The following RUNX3 variants were observed in gnomAD, a reference collection of about 807,000 sequenced individuals.
RUNX3 encodes the protein runt-related transcription factor 3.
In RUNX3, 10 loss-of-function variants were observed where a neutral mutation model predicts 27.7. That is an observed-to-expected ratio of 0.36 (90% CI 0.22 to 0.61). The LOEUF (loss-of-function observed/expected upper bound fraction) is 0.61, where lower values mean the gene tolerates loss of function less well. RUNX3 is among the 20% of genes least tolerant of loss of function. The pLI is 0.72. For synonymous variants in RUNX3, 270 were observed against 269.2 expected (o/e 1.00, Z -0.03); for missense variants, 469 against 629.5 (o/e 0.75, Z 2.73).
At chr1:24,930,757 C>T (rs1641209339), upstream of RUNX3, among the ~76,000 whole-genome samples, 1 of 152,232 alleles carries the variant, frequency 6.6e-6, no homozygotes, top group Non-Finnish European at 1.5e-5. This position sits in a 1 kb window ranked among gnomAD's most constrained non-coding sequence, Gnocchi z 4.1. Context: ...AGGTTACTCA[C>T]CTCCCTCGTC....
chr1:24,964,756 G>T, intron 1 of RUNX3: 1 of 1,412,664 alleles, frequency 7.1e-7, no homozygotes, highest in Non-Finnish European at 9.3e-7. Flanking sequence ...CTACGAAAAA[G>T]AAAAAAGGAA....
At chr1:24,952,934 C>T (rs1158559053) in intron 2 of RUNX3, among the ~76,000 whole-genome samples, 1 of 151,946 alleles carries the variant, frequency 6.6e-6, no homozygotes, top group Non-Finnish European at 1.5e-5. Context: ...CCATCATAGG[C>T]TTTTAAAAAA....
At position 24,902,173 on chromosome 1, in the gene RUNX3, C is replaced by T. The variant is rs749580286; in HGVS notation, c.1197G>A (p.Thr399=). The part of the protein sequence containing the change: ...EADGSHSNSP[T]ALSTPGRMDE... Reference sequence around the variant, plus strand: ...CCATGCGGCCTGGCGTGCTCAGGGCCGTGGGTGAGTTGCTGTGGCTGCCGT... The same window carrying T: ...CCATGCGGCCTGGCGTGCTCAGGGCTGTGGGTGAGTTGCTGTGGCTGCCGT... Residue 399 remains threonine, a synonymous_variant, in exon 5 of 5, where the codon ACG becomes ACA. Transcript: ENST00000308873. The surrounding 1 kb of genome is among the most constrained non-coding windows in gnomAD (Gnocchi z 9.2). 17 of 1,571,638 alleles carry T rather than the reference C, an allele frequency of 1.1e-5. No individual in the cohort carries two copies. The highest frequency in any genetic ancestry group is 3.7e-5 in the Admixed American group (2 of 54,118).
In RUNX3 at chr1:24,962,075, A is replaced by AT. The variant is rs1642128624; in HGVS notation, c.58+2438dup. 6.6e-6 allele frequency: 1 copy of AT among 151,978 alleles called. No individual in the cohort carries two copies. The highest frequency in any genetic ancestry group is 2.4e-5 in the African/African-American group (1 of 41,352). 9.4% of individuals were successfully genotyped at this position (151,978 alleles called of 1,614,324 possible). On this transcript the variant is annotated intron_variant, in intron 2 of 6. Transcript: ENST00000338888. This position sits in a 1 kb window ranked among gnomAD's most constrained non-coding sequence, Gnocchi z 4.5. ...AAATTTAGCATCATATTCCATGGCGATTTTCCACCAGTGGAAATCACAGGT... is the reference window on the plus strand; with the variant it reads ...AAATTTAGCATCATATTCCATGGCGATTTTTCCACCAGTGGAAATCACAGGT...
chr1:24,963,479 A>G (rs989161645), intron 2 of RUNX3, among the ~76,000 whole-genome samples: 1 of 152,184 alleles, frequency 6.6e-6, no homozygotes, highest in Admixed American at 6.5e-5. Context: ...GGAACCATCC[A>G]GAGGCACTGC....
intron 2 of RUNX3, among the ~76,000 whole-genome samples, chr1:24,926,413 G>C (rs1641101165): frequency 6.6e-6 from 1 of 152,220 alleles, no homozygotes; most frequent in Non-Finnish European, 1.5e-5. Flanking sequence ...GAGCCAACAG[G>C]AACAGGAAAT....
At position 24,936,000 on chromosome 1, in the gene RUNX3, G is replaced by A. The variant is rs567135052; in HGVS notation, c.59-6148C>T. ...CTGCACTCTGACCGCTGCTCTCAGC[G>A]CAGAGCTCTCCATCCAAAGCAGCAG... On this transcript the variant is annotated intron_variant, in intron 2 of 6. Coordinates refer to the RUNX3 transcript ENST00000338888. Among the ~76,000 whole-genome samples, 20 of 152,304 alleles carry A rather than the reference G, an allele frequency of 1.3e-4. No individual in the cohort carries two copies. In the Middle Eastern group the frequency reaches 0.01, roughly 78 times the overall value.
Position 24,901,861 on chromosome 1 carries a change from A to G in RUNX3, c.*261T>C. 2.1e-6 allele frequency: 1 copy of G among 467,792 alleles called. No individual in the cohort carries two copies. The highest frequency in any genetic ancestry group is 3.8e-6 in the Non-Finnish European group (1 of 262,970). 29.0% of individuals were successfully genotyped at this position (467,792 alleles called of 1,614,324 possible). A position where few individuals can be genotyped will look rare whatever the true frequency, so the allele number is the denominator to read the frequency against. On this transcript the variant is annotated 3_prime_UTR_variant, in exon 5 of 5. Transcript: ENST00000308873. ...GGGGGTGGCAGGAGGCTGATTCCCC[A>G]CAGAAGTATGGGATGAGACGGCCAG...
chr1:24,930,373 T>A, upstream of RUNX3: 1 of 331,896 alleles, frequency 3.0e-6, no homozygotes, highest in Non-Finnish European at 4.3e-6. The surrounding 1 kb of genome is among the most constrained non-coding windows in gnomAD (Gnocchi z 4.1). Flanking sequence ...GGAGCCCCCA[T>A]CGCGGGCACC....
At position 24,929,771 on chromosome 1, in the gene RUNX3, C is replaced by A. The variant is rs1376216060; in HGVS notation, c.98G>T (p.Ser33Ile). 2 of 1,450,118 alleles carry A rather than the reference C, an allele frequency of 1.4e-6. No homozygotes were observed. Among genetic ancestry groups the A allele is most frequent in the East Asian group, 5.8e-5 (2 of 34,356 alleles). 89.8% of individuals were successfully genotyped at this position (1,450,118 alleles called of 1,614,324 possible). A position where few individuals can be genotyped will look rare whatever the true frequency, so the allele number is the denominator to read the frequency against. Residue 33 changes from serine to isoleucine, a missense_variant, in exon 1 of 5, where the codon AGC becomes ATC. Around this residue, in one of 3 missense-constraint regions of RUNX3, gnomAD observed 115 missense variants for 118.0 expected, o/e 0.97. Coordinates refer to ENST00000308873, the MANE Select transcript of RUNX3 (RefSeq NM_004350.3). ...GGCCGCCTGCGCGCTCAGCGCGCCG[C>A]TGTTCTCGCCCATCTTGCCGCCGCC... is the stretch of plus-strand genomic sequence containing the variant. ...GGGGGKMGENSGALSAQAAVG... is the reference protein window; with the variant it reads ...GGGGGKMGENIGALSAQAAVG...
rs1571376185 is a variant in RUNX3, at chr1:24,962,515, A to G, written c.58+1999T>C. Among the ~76,000 whole-genome samples the G allele has an allele frequency of 6.6e-6, 1 of 152,326 alleles. No homozygotes were observed. Among genetic ancestry groups the G allele is most frequent in the East Asian group, 1.9e-4 (1 of 5,186 alleles). ...AGCCCTGTAAGCCTCCAGGGATGGG[A>G]TTTGGGAGACAGGCCCCCATGGCGA... On this transcript the variant is annotated intron_variant, in intron 2 of 6. Transcript: ENST00000338888. This position sits in a 1 kb window ranked among gnomAD's most constrained non-coding sequence, Gnocchi z 4.5.
rs1571322424 is a variant in RUNX3, at chr1:24,926,805, T to C, written c.439+769A>G. On this transcript the variant is annotated intron_variant, in intron 2 of 4. Coordinates refer to ENST00000308873, the MANE Select transcript of RUNX3 (RefSeq NM_004350.3). The stretch of plus-strand genomic sequence containing the variant: ...CAGCCACTTCTCGTAGGCAGGCTGG[T>C]CTTAAAGGGCCAGTGGACCCTCAGG... Among the ~76,000 whole-genome samples, 3 of 152,152 alleles carry C rather than the reference T, an allele frequency of 2.0e-5. No homozygotes were observed. In the South Asian group the frequency reaches 6.2e-4, roughly 32 times the overall value.
chr1:24,929,589 T>C lies in RUNX3; in HGVS notation c.280A>G (p.Lys94Glu). 1.2e-6 allele frequency: 2 copies of C among 1,605,694 alleles called. No homozygotes were observed. The highest frequency in any genetic ancestry group is 1.7e-4 in the Middle Eastern group (1 of 5,724). ...RCNKTLPVAFKVVALGDVPDG... is the reference protein window; with the variant it reads ...RCNKTLPVAFEVVALGDVPDG... ...CCCGCCCCGGGTCCCGCACTCACCT[T>C]GAAGGCGACGGGCAGCGTCTTGTTG... The change falls in exon 1 of 5, where the codon AAG becomes GAG. Residue 94 changes from lysine (K) to glutamate (E), a missense_variant and splice_region_variant. Coordinates refer to ENST00000308873, the MANE Select transcript of RUNX3 (RefSeq NM_004350.3).
intron 2 of RUNX3, chr1:24,961,564 AG>A (rs1300760828): frequency 6.6e-6 from 1 of 152,226 alleles, no homozygotes; most frequent in Non-Finnish European, 1.5e-5. Flanking sequence ...CAGGCGGCAG[AG>A]GCAGGTAGGG....
chr1:24,953,554 C>T (rs982002722), intron 2 of RUNX3, among the ~76,000 whole-genome samples: 3 of 152,262 alleles, frequency 2.0e-5, no homozygotes, highest in Admixed American at 6.5e-5. Flanking sequence ...TTCAAGCGCT[C>T]GGGATTCACG....
chr1:24,910,122 C>G (rs1640768475), intron 3 of RUNX3, among the ~76,000 whole-genome samples: 2 of 152,066 alleles, frequency 1.3e-5, no homozygotes, highest in Admixed American at 6.5e-5. Flanking sequence ...AACCCCGTCT[C>G]TACTAAAAGT....
intron 2 of RUNX3, among the ~76,000 whole-genome samples, chr1:24,941,757 G>A (rs1641484558): frequency 6.6e-6 from 1 of 152,172 alleles, no homozygotes; most frequent in Non-Finnish European, 1.5e-5. Context: ...AGTGATGCTA[G>A]CCCTGTGTGA....
intron 2 of RUNX3, among the ~76,000 whole-genome samples, chr1:24,957,846 A>G (rs1302789366): frequency 6.6e-6 from 1 of 152,254 alleles, no homozygotes; most frequent in African/African-American, 2.4e-5. Flanking sequence ...TCCCAACGCC[A>G]CACAGCGAGG....
chr1:24,929,320 T>C, intron 1 of RUNX3: 1 of 676,920 alleles, frequency 1.5e-6, no homozygotes, highest in Non-Finnish European at 2.7e-6. Context: ...CATCCGCCCA[T>C]TTCCGCACCA....
Sources: allele counts gnomAD v4.1 joint callset (sites outside exome capture counted in the v4.1 genomes callset), GRCh38; gene constraint gnomAD v4.1.1; regional missense constraint gnomAD v4.1.1; non-coding constraint Gnocchi (gnomAD v3.1); transcripts MANE v1.5; gene names NCBI Gene and HGNC (gene_info 2026-07-23, HGNC 2026-07-21).